FRMD5: variants seen among roughly 807,000 people sequenced by gnomAD.
FRMD5 encodes the protein FERM domain containing 5, also known as FERM domain-containing protein 5.
In FRMD5, 20 loss-of-function variants were observed where a neutral mutation model predicts 69.0. The ratio of observed to expected loss-of-function variants is 0.29; its 90% CI spans 0.20 to 0.42. FRMD5 has a LOEUF of 0.42. Ranked by LOEUF, FRMD5 falls within the 10% of genes least tolerant of loss-of-function variation. The probability of loss-of-function intolerance (pLI) is 1.00; values close to 1 mark genes in which losing one functional copy is unlikely to be tolerated. For synonymous variants in FRMD5, 271 were observed against 260.1 expected (o/e 1.04, Z -0.40); for missense variants, 595 against 708.6 (o/e 0.84, Z 1.82).
intron 1 of FRMD5, among the ~76,000 whole-genome samples, chr15:44,027,834 C>T (rs1308142709): frequency 2.0e-5 from 3 of 151,900 alleles, no homozygotes; most frequent in Non-Finnish European, 2.9e-5. Flanking sequence ...TTAGTAGGGA[C>T]AGGGTTTCAC....
intron 1 of FRMD5, among the ~76,000 whole-genome samples, chr15:44,037,661 T>G (rs1485191625): frequency 6.6e-6 from 1 of 150,518 alleles, no homozygotes. Flanking sequence ...TTTAGTAGAG[T>G]TGGGGTTTCA....
At chr15:43,967,970 A>T (rs1050439604) in intron 1 of FRMD5, among the ~76,000 whole-genome samples, 1 of 150,370 alleles carries the variant, frequency 6.7e-6, no homozygotes, top group Non-Finnish European at 1.5e-5. Context: ...CCCTGTGTCC[A>T]TGTGTTTTCA....
chr15:43,976,649 A>C, intron 1 of FRMD5, among the ~76,000 whole-genome samples: 1 of 152,048 alleles, frequency 6.6e-6, no homozygotes. Flanking sequence ...TTACAAGCTG[A>C]CGTTTTTATA....
intron 1 of FRMD5, among the ~76,000 whole-genome samples, chr15:43,993,680 T>A (rs781307138): frequency 6.6e-6 from 1 of 152,182 alleles, no homozygotes; most frequent in Non-Finnish European, 1.5e-5. Flanking sequence ...AAGTTGGGTA[T>A]CAAAGTCCCC....
intron 1 of FRMD5, among the ~76,000 whole-genome samples, chr15:44,066,383 C>T (rs1893311799): frequency 6.6e-6 from 1 of 151,874 alleles, no homozygotes; most frequent in Admixed American, 6.6e-5. Flanking sequence ...CAGTCGTTTA[C>T]GATGTGATAG....
chr15:44,188,577 T>C (rs183432549), intron 1 of FRMD5, among the ~76,000 whole-genome samples: 205 of 152,262 alleles, frequency 1.3e-3, no homozygotes, highest in Admixed American at 2.2e-3. Flanking sequence ...GGTCAAGAAT[T>C]TGCATTTCTA....
intron 1 of FRMD5, among the ~76,000 whole-genome samples, chr15:43,945,182 C>G (rs1171702341): frequency 6.6e-6 from 1 of 152,234 alleles, no homozygotes; most frequent in Middle Eastern, 3.4e-3. Context: ...TTCCTTCTTC[C>G]AAGGGTAGAC....
chr15:43,958,117 C>G (rs2090142833), intron 1 of FRMD5, among the ~76,000 whole-genome samples: 1 of 152,070 alleles, frequency 6.6e-6, no homozygotes, highest in South Asian at 2.1e-4. Flanking sequence ...AGTGTATACT[C>G]CCCTTTTCTT....
At chr15:44,070,006 AAGG>A (rs1893470115) in intron 1 of FRMD5, among the ~76,000 whole-genome samples, 1 of 152,202 alleles carries the variant, frequency 6.6e-6, no homozygotes, top group Non-Finnish European at 1.5e-5. Flanking sequence ...TATACAAAGT[AAGG>A]AGATTTGGGA....
intron 1 of FRMD5, among the ~76,000 whole-genome samples, chr15:44,009,695 T>C (rs1052972681): frequency 1.3e-5 from 2 of 152,060 alleles, no homozygotes; most frequent in African/African-American, 2.4e-5. Flanking sequence ...AAATCCACTT[T>C]TATGGAGTTT....
chr15:44,190,722 T>C (rs2078178598), intron 1 of FRMD5, among the ~76,000 whole-genome samples: 2 of 152,218 alleles, frequency 1.3e-5, no homozygotes, highest in South Asian at 2.1e-4. Flanking sequence ...TAAAGAGTTA[T>C]ACAGGTGTTA....
At chr15:44,159,836 ATTTT>A (rs1369665540) in intron 1 of FRMD5, among the ~76,000 whole-genome samples, 1 of 152,172 alleles carries the variant, frequency 6.6e-6, no homozygotes, top group Non-Finnish European at 1.5e-5. Flanking sequence ...GGAGGAAGCC[ATTTT>A]TCATACCTTT....
At chr15:44,036,779 A>G (rs577010595) in intron 1 of FRMD5, among the ~76,000 whole-genome samples, 1 of 152,138 alleles carries the variant, frequency 6.6e-6, no homozygotes, top group Non-Finnish European at 1.5e-5. Flanking sequence ...TGTTTTGTGC[A>G]TCGGCCTTCA....
chr15:44,037,223 T>C (rs964511435), intron 1 of FRMD5, among the ~76,000 whole-genome samples: 4 of 152,172 alleles, frequency 2.6e-5, no homozygotes, highest in Admixed American at 2.0e-4. Flanking sequence ...CACTTATGAG[T>C]GAGAACATAC....
intron 13 of FRMD5, 26 bp from the exon 14 acceptor site, chr15:43,874,488 A>G: frequency 6.3e-7 from 1 of 1,582,210 alleles, no homozygotes; most frequent in South Asian, 1.1e-5. Context: ...GAACATGAGT[A>G]GGCTGTGTCC....
chr15:43,956,555 T>C (rs1465167132), intron 1 of FRMD5, among the ~76,000 whole-genome samples: 5 of 152,130 alleles, frequency 3.3e-5, no homozygotes, highest in Non-Finnish European at 7.4e-5. Context: ...TTAAGAAAAA[T>C]AGATTGAATG....
chr15:43,967,106 T>C (rs1339121515), intron 1 of FRMD5, among the ~76,000 whole-genome samples: 9 of 152,146 alleles, frequency 5.9e-5, no homozygotes, highest in African/African-American at 4.8e-5. Context: ...TAACTTTGGA[T>C]AGATGCATAG....
chr15:43,909,552 C>T lies in FRMD5; in HGVS notation c.427+330G>A, dbSNP rs2089246603. On this transcript the variant is annotated intron_variant, in intron 5 of 13. Coordinates refer to ENST00000417257, the MANE Select transcript of FRMD5 (RefSeq NM_032892.5). ...CTGGAGTGCAGTGGTGCAATCTCGGCTCACTGCAACCGCCACCTCCTGGGT... is the reference window on the plus strand; with the variant it reads ...CTGGAGTGCAGTGGTGCAATCTCGGTTCACTGCAACCGCCACCTCCTGGGT... Among the ~76,000 whole-genome samples the T allele has an allele frequency of 4.6e-5, 7 of 152,196 alleles. No individual in the cohort carries two copies. The South Asian group carries it at 1.5e-3, about 32-fold the overall frequency.
At chr15:43,937,881 C>G (rs193288987) in intron 1 of FRMD5, among the ~76,000 whole-genome samples, 3 of 152,274 alleles carry the variant, frequency 2.0e-5, no homozygotes, top group Admixed American at 2.0e-4. Flanking sequence ...CCACTGCCAA[C>G]AGGACCCCTA....
Sources: allele counts gnomAD v4.1 joint callset (sites outside exome capture counted in the v4.1 genomes callset), GRCh38; gene constraint gnomAD v4.1.1; transcripts MANE v1.5; gene names NCBI Gene and HGNC (gene_info 2026-07-23, HGNC 2026-07-21).